Variants in SH3GL2 observed in about 807,000 individuals in gnomAD.
SH3GL2 encodes SH3 domain containing GRB2 like 2, endophilin A1.
In SH3GL2, 24 loss-of-function variants were observed where a neutral mutation model predicts 46.0. The observed-to-expected ratio is 0.52, with a 90% CI of 0.38 to 0.73. The LOEUF is 0.73. Ranked by LOEUF, SH3GL2 falls within the 30% of genes least tolerant of loss-of-function variation. The pLI, the probability that SH3GL2 is intolerant of heterozygous loss-of-function variation, is 0.00. For synonymous variants in SH3GL2, 196 were observed against 147.1 expected, an observed-to-expected ratio of 1.33 and a Z score of -2.40; for missense variants, 413 against 424.2, an observed-to-expected ratio of 0.97 and a Z score of 0.23.
intron 1 of SH3GL2, among the ~76,000 whole-genome samples, chr9:17,743,749 G>T (rs914196288): frequency 6.6e-6 from 1 of 152,210 alleles, no homozygotes; most frequent in Non-Finnish European, 1.5e-5. Context: ...ATGGATGCAA[G>T]AAGAGGGGAA....
intron 1 of SH3GL2, among the ~76,000 whole-genome samples, chr9:17,726,039 T>G (rs1359713698): frequency 6.6e-6 from 1 of 152,142 alleles, no homozygotes; most frequent in Admixed American, 6.5e-5. Context: ...TTACCAAGAT[T>G]TAGTATATTT....
intron 3 of SH3GL2, among the ~76,000 whole-genome samples, chr9:17,781,735 A>G (rs1175071476): frequency 1.3e-5 from 2 of 152,042 alleles, no homozygotes; most frequent in African/African-American, 4.8e-5. Context: ...TCTGTTTTGT[A>G]TACTTTACTC....
chr9:17,669,241 C>T (rs1025604927), intron 1 of SH3GL2, among the ~76,000 whole-genome samples: 1 of 152,112 alleles, frequency 6.6e-6, no homozygotes, highest in Non-Finnish European at 1.5e-5. Context: ...AGGATATTGA[C>T]ATTGATAACA....
At chr9:17,755,936 A>G (rs574142594) in intron 2 of SH3GL2, 7 of 176,588 alleles carry the variant, frequency 4.0e-5, no homozygotes, top group Non-Finnish European at 7.7e-5. Flanking sequence ...CTGGTGAAAT[A>G]ATCAGTATCA....
intron 1 of SH3GL2, among the ~76,000 whole-genome samples, chr9:17,624,113 C>G (rs965478640): frequency 6.6e-6 from 1 of 152,138 alleles, no homozygotes; most frequent in Non-Finnish European, 1.5e-5. Flanking sequence ...CAGTGGCTGT[C>G]AGTTTGAGGT....
chr9:17,717,534 A>G (rs1821792628), intron 1 of SH3GL2, among the ~76,000 whole-genome samples: 1 of 152,116 alleles, frequency 6.6e-6, no homozygotes, highest in South Asian at 2.1e-4. Flanking sequence ...TTTATTTTAA[A>G]AAGGATTCCT....
intron 1 of SH3GL2, among the ~76,000 whole-genome samples, chr9:17,630,797 G>C (rs891102364): frequency 6.6e-6 from 1 of 152,148 alleles, no homozygotes. Context: ...AGAAGAGGGT[G>C]GGGGAGTTGG....
intron 1 of SH3GL2, among the ~76,000 whole-genome samples, chr9:17,704,325 CAGAT>C (rs1211442307): frequency 6.6e-6 from 1 of 151,862 alleles, no homozygotes; most frequent in Non-Finnish European, 1.5e-5. Context: ...TTTATGCTCA[CAGAT>C]AGGAAGAATC....
intron 2 of SH3GL2, among the ~76,000 whole-genome samples, chr9:17,751,797 G>A (rs1822855520): frequency 6.6e-6 from 1 of 152,130 alleles, no homozygotes; most frequent in Non-Finnish European, 1.5e-5. Context: ...CACCCATAAT[G>A]TCTCCTTCAT....
chr9:17,742,141 C>T (rs1221205951), intron 1 of SH3GL2, among the ~76,000 whole-genome samples: 1 of 152,148 alleles, frequency 6.6e-6, no homozygotes, highest in East Asian at 1.9e-4. Flanking sequence ...TTGAATTTCA[C>T]TGATGATGCG....
intron 1 of SH3GL2, chr9:17,630,244 A>G (rs898906610): frequency 6.6e-6 from 1 of 152,224 alleles, no homozygotes; most frequent in Non-Finnish European, 1.5e-5. Context: ...TCTTTTTGTA[A>G]TGAAAGCTCT....
chr9:17,615,547 C>T (rs570570330), intron 1 of SH3GL2, among the ~76,000 whole-genome samples: 16 of 150,340 alleles, frequency 1.1e-4, no homozygotes, highest in South Asian at 4.2e-4. Context: ...CCCAGCTACT[C>T]GGGAAGCTGA....
intron 1 of SH3GL2, among the ~76,000 whole-genome samples, chr9:17,596,434 A>G (rs531401371): frequency 7.2e-5 from 11 of 151,874 alleles, no homozygotes; most frequent in Non-Finnish European, 1.2e-4. Context: ...TAAGACATGT[A>G]TAGGGTATTG....
At chr9:17,683,223 A>T (rs1269415941) in intron 1 of SH3GL2, among the ~76,000 whole-genome samples, 2 of 152,182 alleles carry the variant, frequency 1.3e-5, no homozygotes, top group East Asian at 3.9e-4. Flanking sequence ...CTGCAAGGAG[A>T]ATTCAGTTAC....
chr9:17,783,120 G>A (rs962725092), intron 3 of SH3GL2, among the ~76,000 whole-genome samples: 16 of 152,016 alleles, frequency 1.1e-4, no homozygotes, highest in Non-Finnish European at 2.4e-4. Context: ...TGTCTGTGCT[G>A]GTTTTTGCTG....
At chr9:17,682,983 C>T (rs1260630328) in intron 1 of SH3GL2, among the ~76,000 whole-genome samples, 1 of 151,994 alleles carries the variant, frequency 6.6e-6, no homozygotes, top group African/African-American at 2.4e-5. Context: ...AGTAAAAAAT[C>T]CAGATAGTAT....
intron 1 of SH3GL2, among the ~76,000 whole-genome samples, chr9:17,586,887 A>G (rs1343638630): frequency 2.0e-5 from 3 of 152,194 alleles, no homozygotes; most frequent in African/African-American, 7.2e-5. Context: ...AAAGAAACAT[A>G]AAGCAGATAG....
intron 3 of SH3GL2, among the ~76,000 whole-genome samples, chr9:17,763,244 T>C (rs994756350): frequency 1.3e-5 from 2 of 152,178 alleles, no homozygotes; most frequent in African/African-American, 4.8e-5. Context: ...AATGGAACTG[T>C]GCTCTGTTGT....
At chr9:17,643,456 T>C in intron 1 of SH3GL2, among the ~76,000 whole-genome samples, 1 of 152,216 alleles carries the variant, frequency 6.6e-6, no homozygotes, top group East Asian at 1.9e-4. Context: ...AATAGGAGTT[T>C]TCAAAGGGAA....
Sources: gnomAD v4.1 joint callset for allele counts (sites outside exome capture counted in the v4.1 genomes callset) on GRCh38, gnomAD v4.1.1 for gene constraint, MANE v1.5 for transcripts, NCBI Gene and HGNC (gene_info 2026-07-23, HGNC 2026-07-21) for gene names.